TAFA1: variants seen among roughly 807,000 people sequenced by gnomAD.
The protein encoded by TAFA1 is chemokine-like protein TAFA-1.
A neutral mutation model predicts 18.5 loss-of-function variants in TAFA1; 4 were observed. That is an observed-to-expected ratio of 0.22 (90% confidence interval 0.11 to 0.49). The LOEUF (loss-of-function observed/expected upper bound fraction) is 0.49. TAFA1 is among the 20% of genes least tolerant of loss of function. TAFA1 has a pLI of 0.98. For missense variants in TAFA1, 147 were observed against 169.0 expected (o/e 0.87, Z 0.72); for synonymous variants, 56 against 55.2 (o/e 1.01, Z -0.06).
At chr3:68,270,221 C>A (rs1023969839) in intron 2 of TAFA1, among the ~76,000 whole-genome samples, 6 of 152,138 alleles carry the variant, frequency 3.9e-5, no homozygotes, top group Admixed American at 3.9e-4. Flanking sequence ...CTTTCTTAAT[C>A]CCTCTAAGCC....
intron 3 of TAFA1, among the ~76,000 whole-genome samples, chr3:68,461,285 A>C (rs1391289946): frequency 7.9e-6 from 1 of 126,516 alleles, no homozygotes; most frequent in East Asian, 2.1e-4. Context: ...CTGCCAAAAA[A>C]CAAACAAACA....
At chr3:68,389,725 G>A (rs1473137439) in intron 2 of TAFA1, among the ~76,000 whole-genome samples, 1 of 151,978 alleles carries the variant, frequency 6.6e-6, no homozygotes, top group African/African-American at 2.4e-5. Context: ...GCAGAAGCTG[G>A]GTGGGGTGTT....
chr3:68,032,988 A>G (rs1179029045), intron 2 of TAFA1, among the ~76,000 whole-genome samples: 2 of 151,934 alleles, frequency 1.3e-5, no homozygotes, highest in African/African-American at 2.4e-5. Flanking sequence ...ATATCCTTTC[A>G]TTTCCCCCAA....
chr3:68,487,667 G>T (rs752580269), intron 3 of TAFA1, among the ~76,000 whole-genome samples: 2 of 151,210 alleles, frequency 1.3e-5, no homozygotes, highest in East Asian at 3.9e-4. Flanking sequence ...CAGGAGAACG[G>T]TGTGAACCTG....
intron 2 of TAFA1, among the ~76,000 whole-genome samples, chr3:68,349,364 ATATTCTCT>A (rs2069223178): frequency 6.6e-6 from 1 of 152,038 alleles, no homozygotes; most frequent in African/African-American, 2.4e-5. Context: ...TCTGGACATG[ATATTCTCT>A]TATGAAAAGG....
intron 2 of TAFA1, among the ~76,000 whole-genome samples, chr3:68,312,556 G>A (rs547387162): frequency 9.9e-5 from 15 of 152,104 alleles, no homozygotes; most frequent in Non-Finnish European, 1.8e-4. Context: ...CTAAAACATA[G>A]GAAGAATCAT....
At chr3:68,450,494 C>G (rs1018498767) in intron 3 of TAFA1, among the ~76,000 whole-genome samples, 1 of 152,172 alleles carries the variant, frequency 6.6e-6, no homozygotes, top group South Asian at 2.1e-4. Flanking sequence ...CAAGGAGAGC[C>G]TGAGGCTCAA....
intron 2 of TAFA1, among the ~76,000 whole-genome samples, chr3:68,369,607 C>T (rs916282156): frequency 3.9e-5 from 6 of 152,136 alleles, no homozygotes; most frequent in African/African-American, 1.4e-4. Flanking sequence ...GTTTCTGAAT[C>T]GTTGTTTTCC....
intron 3 of TAFA1, among the ~76,000 whole-genome samples, chr3:68,423,554 A>C (rs2070998436): frequency 6.6e-6 from 1 of 152,138 alleles, no homozygotes; most frequent in African/African-American, 2.4e-5. Flanking sequence ...AGAAACACCC[A>C]GTTCATTGGG....
At chr3:68,510,597 A>G (rs2072830413) in intron 3 of TAFA1, among the ~76,000 whole-genome samples, 1 of 152,148 alleles carries the variant, frequency 6.6e-6, no homozygotes, top group African/African-American at 2.4e-5. Context: ...CCAACAGTCC[A>G]CACAATATTG....
intron 2 of TAFA1, among the ~76,000 whole-genome samples, chr3:68,138,746 A>G (rs1392133211): frequency 6.6e-6 from 1 of 152,228 alleles, no homozygotes; most frequent in East Asian, 1.9e-4. Flanking sequence ...AGCACTTAGC[A>G]CAGAACTGAG....
At chr3:68,052,453 G>A (rs2064482605) in intron 2 of TAFA1, among the ~76,000 whole-genome samples, 3 of 152,074 alleles carry the variant, frequency 2.0e-5, no homozygotes, top group African/African-American at 7.2e-5. Flanking sequence ...AACCCACGTG[G>A]AACTTTGGAC....
chr3:68,414,129 A>G (rs964846158), intron 2 of TAFA1, among the ~76,000 whole-genome samples: 1 of 152,016 alleles, frequency 6.6e-6, no homozygotes, highest in African/African-American at 2.4e-5. Flanking sequence ...ACATGGAGAA[A>G]CCCTGTCTCT....
At chr3:68,454,823 G>A (rs945103803) in intron 3 of TAFA1, among the ~76,000 whole-genome samples, 44 of 152,210 alleles carry the variant, frequency 2.9e-4, no homozygotes, top group Admixed American at 1.7e-3. Context: ...AGGCTAGGGT[G>A]GCATCCAGGA....
intron 2 of TAFA1, among the ~76,000 whole-genome samples, chr3:68,276,925 T>A (rs1342310068): frequency 6.6e-6 from 1 of 152,106 alleles, no homozygotes; most frequent in Non-Finnish European, 1.5e-5. Context: ...AAAAATAACT[T>A]TTTTCTGATT....
At chr3:68,093,323 C>T (rs1013518085) in intron 2 of TAFA1, among the ~76,000 whole-genome samples, 2 of 152,048 alleles carry the variant, frequency 1.3e-5, no homozygotes, top group African/African-American at 2.4e-5. Context: ...TTTCCTGTCC[C>T]ATAACTTGGT....
At chr3:68,251,807 A>G (rs896860916) in intron 2 of TAFA1, among the ~76,000 whole-genome samples, 1 of 152,214 alleles carries the variant, frequency 6.6e-6, no homozygotes, top group East Asian at 1.9e-4. Flanking sequence ...AGGGCAGGAA[A>G]AAACACTGGG....
chr3:68,382,999 A>C (rs2070008545), intron 2 of TAFA1, among the ~76,000 whole-genome samples: 1 of 152,028 alleles, frequency 6.6e-6, no homozygotes, highest in Admixed American at 6.6e-5. Flanking sequence ...TTTGGCTTTC[A>C]GCTTGACTAT....
intron 2 of TAFA1, among the ~76,000 whole-genome samples, chr3:68,331,859 T>TTTTA (rs1318895315): frequency 1.3e-4 from 16 of 126,594 alleles, no homozygotes; most frequent in Non-Finnish European, 2.2e-4. Context: ...TTCTTTTCTT[T>TTTTA]TTTTTTTTTT....
Sources: allele counts gnomAD v4.1 joint callset (sites outside exome capture counted in the v4.1 genomes callset), GRCh38; gene constraint gnomAD v4.1.1; transcripts MANE v1.5; gene names NCBI Gene and HGNC (gene_info 2026-07-23, HGNC 2026-07-21).